ZNF391: variants seen among roughly 807,000 people sequenced by gnomAD.
ZNF391 encodes zinc finger protein 391.
For synonymous variants in ZNF391, 126 were observed against 142.1 expected (o/e 0.89, Z 0.80); for missense variants, 375 against 425.5 (o/e 0.88, Z 1.04).
intron 1 of ZNF391, among the ~76,000 whole-genome samples, chr6:27,393,507 A>G (rs772304779): frequency 6.6e-6 from 1 of 152,222 alleles, no homozygotes. Flanking sequence ...TATTTTCTTT[A>G]TAAATTACCC....
At chr6:27,396,519 G>A (rs995179311) in intron 1 of ZNF391, among the ~76,000 whole-genome samples, 2 of 152,130 alleles carry the variant, frequency 1.3e-5, no homozygotes, top group African/African-American at 4.8e-5. Context: ...GAGCCCAAGA[G>A]TTTGATGCCA....
chr6:27,390,163 C>G (rs942656334), intron 1 of ZNF391, among the ~76,000 whole-genome samples: 4 of 152,208 alleles, frequency 2.6e-5, no homozygotes, highest in Non-Finnish European at 5.9e-5. Context: ...CCTGACCCTT[C>G]AAAACCTTCT....
At position 27,400,515 on chromosome 6, in the gene ZNF391, A is replaced by G; in HGVS notation, c.145A>G (p.Thr49Ala). 1 of 1,614,204 alleles carries G rather than the reference A, an allele frequency of 6.2e-7. No homozygotes were observed. The highest frequency in any genetic ancestry group is 8.5e-7 in the Non-Finnish European group (1 of 1,180,032). Residue 49 changes from threonine (T) to alanine (A), a missense_variant, in exon 3 of 3, where the codon ACA (threonine) becomes GCA (alanine). Thr to Ala is a moderately conservative substitution (Grantham distance 58, BLOSUM62 0). Coordinates refer to ENST00000244576, the MANE Select transcript of ZNF391 (RefSeq NM_001076781.3). ...ENTVVRKVSV[T>A]LKEIFTGEEG... Reference sequence around the variant, plus strand: ...CACAGTGGTCAGAAAAGTGTCAGTGACACTCAAAGAAATTTTCACAGGGGA... The same window carrying G: ...CACAGTGGTCAGAAAAGTGTCAGTGGCACTCAAAGAAATTTTCACAGGGGA...
chr6:27,381,225 T>G (rs934607621), intron 1 of ZNF391, among the ~76,000 whole-genome samples: 6 of 152,224 alleles, frequency 3.9e-5, no homozygotes, highest in African/African-American at 1.4e-4. Flanking sequence ...GGAAGGCAGC[T>G]AAGGCCCGGC....
intron 1 of ZNF391, among the ~76,000 whole-genome samples, chr6:27,397,802 G>A (rs1441160651): frequency 6.6e-6 from 1 of 152,070 alleles, no homozygotes; most frequent in African/African-American, 2.4e-5. Context: ...ACTAATTTTT[G>A]TATTTTTAGT....
At chr6:27,400,262 A>C in intron 2 of ZNF391, 31 bp from the exon 3 acceptor site, 1 of 906,888 alleles carries the variant, frequency 1.1e-6, no homozygotes, top group Non-Finnish European at 1.7e-6. Context: ...TAGTAGATAC[A>C]GATGACATTT....
intron 1 of ZNF391, among the ~76,000 whole-genome samples, chr6:27,383,239 A>G (rs1178615872): frequency 6.6e-6 from 1 of 152,036 alleles, no homozygotes; most frequent in Non-Finnish European, 1.5e-5. Flanking sequence ...ATACCAAAAA[A>G]AGAAGAAAGA....
chr6:27,398,010 C>T (rs1484905099), intron 1 of ZNF391, among the ~76,000 whole-genome samples: 1 of 152,152 alleles, frequency 6.6e-6, no homozygotes, highest in Non-Finnish European at 1.5e-5. Context: ...TTTTATCTTC[C>T]CTGTTTTCAG....
chr6:27,399,155 G>T (rs972695265), intron 1 of ZNF391, among the ~76,000 whole-genome samples: 4 of 152,332 alleles, frequency 2.6e-5, no homozygotes, highest in African/African-American at 7.2e-5. Context: ...GGTCCCATCA[G>T]ACTTGCTGGG....
At chr6:27,384,835 T>C (rs940338340), upstream of ZNF391, among the ~76,000 whole-genome samples, 6 of 152,000 alleles carry the variant, frequency 3.9e-5, no homozygotes, top group Admixed American at 3.9e-4. Context: ...CTGGCCAACA[T>C]GGCAAAACCC....
chr6:27,398,006 C>T (rs1248703993), intron 1 of ZNF391, among the ~76,000 whole-genome samples: 2 of 152,148 alleles, frequency 1.3e-5, no homozygotes, highest in African/African-American at 2.4e-5. Flanking sequence ...GGCTTTTTAT[C>T]TTCCCTGTTT....
chr6:27,400,151 C>T, intron 2 of ZNF391, 142 bp from the exon 3 acceptor site: 2 of 436,506 alleles, frequency 4.6e-6, no homozygotes, highest in Non-Finnish European at 8.0e-6. Flanking sequence ...CTTTGTTCTC[C>T]TCCACTATCC....
chr6:27,378,370 TA>T (rs1440700943), intron 1 of ZNF391, among the ~76,000 whole-genome samples: 12 of 151,484 alleles, frequency 7.9e-5, no homozygotes, highest in African/African-American at 1.9e-4. Flanking sequence ...CGAAGGGAGA[TA>T]GGGGTGGGGC....
At chr6:27,386,542 G>A (rs1159641018), upstream of ZNF391, among the ~76,000 whole-genome samples, 2 of 151,982 alleles carry the variant, frequency 1.3e-5, no homozygotes, top group Non-Finnish European at 2.9e-5. Context: ...GTGTGGTGCT[G>A]GAATAAGAAT....
At chr6:27,398,900 C>T (rs759417911) in intron 1 of ZNF391, among the ~76,000 whole-genome samples, 3 of 152,104 alleles carry the variant, frequency 2.0e-5, no homozygotes, top group Admixed American at 6.6e-5. Context: ...GGAAAGCTAG[C>T]TGTCTAGTAC....
intron 1 of ZNF391, among the ~76,000 whole-genome samples, chr6:27,391,431 A>G (rs1386718742): frequency 6.6e-6 from 1 of 151,854 alleles, no homozygotes; most frequent in Non-Finnish European, 1.5e-5. Context: ...TGGTCTTGAA[A>G]TCCTGACCTC....
chr6:27,395,723 G>A (rs1172683451), intron 1 of ZNF391, among the ~76,000 whole-genome samples: 2 of 152,064 alleles, frequency 1.3e-5, no homozygotes, highest in African/African-American at 4.8e-5. Flanking sequence ...CTCTTGTCAG[G>A]ATATTCTGCC....
rs1237504620 is a variant in ZNF391, at chr6:27,402,329, A to G, written c.*882A>G. The G allele has an allele frequency of 1.3e-5, 2 of 152,118 alleles. No individual in the cohort carries two copies. The highest frequency in any genetic ancestry group is 1.3e-4 in the Admixed American group (2 of 15,264). 9.4% of individuals were successfully genotyped at this position (152,118 alleles called of 1,614,324 possible). On this transcript the variant is annotated 3_prime_UTR_variant, in exon 3 of 3. Coordinates refer to ENST00000244576, the MANE Select transcript of ZNF391 (RefSeq NM_001076781.3). Reference sequence around the variant, plus strand: ...TTGGAAGATTGATCTCTCAAGGACAAACCCAGTGCCTATTTCTCAGTCCTT... The same window carrying G: ...TTGGAAGATTGATCTCTCAAGGACAGACCCAGTGCCTATTTCTCAGTCCTT...
intron 1 of ZNF391, among the ~76,000 whole-genome samples, chr6:27,375,724 T>C (rs1332382084): frequency 1.3e-5 from 2 of 152,256 alleles, no homozygotes; most frequent in South Asian, 2.1e-4. Flanking sequence ...AAGCAATATT[T>C]CTACCAAAAT....
Sources: gnomAD v4.1 joint callset for allele counts (sites outside exome capture counted in the v4.1 genomes callset) on GRCh38, gnomAD v4.1.1 for gene constraint, MANE v1.5 for transcripts, NCBI Gene and HGNC (gene_info 2026-07-23, HGNC 2026-07-21) for gene names.